Variants in CACNA2D1 observed in about 807,000 individuals in gnomAD.
The protein encoded by CACNA2D1 is calcium voltage-gated channel auxiliary subunit alpha2delta 1.
A neutral mutation model predicts 171.5 loss-of-function variants in CACNA2D1; 53 were observed. The ratio of observed to expected loss-of-function variants is 0.31; its 90% CI spans 0.25 to 0.39. The LOEUF (loss-of-function observed/expected upper bound fraction) is 0.39. Among genes scored for constraint, CACNA2D1 ranks in the 10% least tolerant of loss-of-function variants. The pLI is 1.00. For missense variants in CACNA2D1, 903 were observed against 1,299.8 expected (o/e 0.69, Z 4.69); for synonymous variants, 442 against 443.1 (o/e 1.00, Z 0.03).
intron 3 of CACNA2D1, among the ~76,000 whole-genome samples, chr7:82,286,978 C>G (rs943260376): frequency 2.0e-5 from 3 of 152,054 alleles, no homozygotes; most frequent in African/African-American, 7.2e-5. Context: ...GCATCCTGCA[C>G]CATTTAACAA....
intron 1 of CACNA2D1, among the ~76,000 whole-genome samples, chr7:82,380,931 G>C (rs1002808019): frequency 2.6e-5 from 4 of 152,048 alleles, no homozygotes; most frequent in African/African-American, 9.7e-5. Flanking sequence ...TTGGTCTCAA[G>C]TGATCTGCCT....
At chr7:82,133,390 A>C (rs932275117) in intron 5 of CACNA2D1, among the ~76,000 whole-genome samples, 2 of 152,188 alleles carry the variant, frequency 1.3e-5, no homozygotes, top group Non-Finnish European at 2.9e-5. Context: ...CAAGTAATCA[A>C]AACAGTGAAA....
intron 6 of CACNA2D1, among the ~76,000 whole-genome samples, chr7:82,112,224 C>T (rs1024590565): frequency 2.6e-5 from 4 of 152,088 alleles, no homozygotes; most frequent in Non-Finnish European, 5.9e-5. Flanking sequence ...GATTGCATTT[C>T]CTTTAAATCA....
intron 1 of CACNA2D1, among the ~76,000 whole-genome samples, chr7:82,437,872 C>T (rs1440838368): frequency 6.6e-6 from 1 of 152,026 alleles, no homozygotes; most frequent in Non-Finnish European, 1.5e-5. Context: ...GCACATTTGC[C>T]TTCATTCCTA....
intron 1 of CACNA2D1, among the ~76,000 whole-genome samples, chr7:82,366,903 CTTTTTT>C (rs71093376): frequency 6.9e-5 from 6 of 86,970 alleles, no homozygotes; most frequent in Non-Finnish European, 1.4e-4. Flanking sequence ...TGGTTTTGAC[CTTTTTT>C]TTTTTTTTTT....
intron 10 of CACNA2D1, among the ~76,000 whole-genome samples, chr7:82,042,195 A>C (rs1804045677): frequency 1.3e-5 from 2 of 152,166 alleles, no homozygotes; most frequent in African/African-American, 4.8e-5. Context: ...AGAAATTTGA[A>C]AGTTTACAAT....
chr7:82,261,683 T>C (rs902466566), intron 3 of CACNA2D1, among the ~76,000 whole-genome samples: 2 of 152,152 alleles, frequency 1.3e-5, no homozygotes, highest in Non-Finnish European at 2.9e-5. Flanking sequence ...CTGAAATGGA[T>C]AAAAAATTTT....
chr7:82,342,354 G>A (rs757688932), intron 2 of CACNA2D1, among the ~76,000 whole-genome samples: 7 of 152,128 alleles, frequency 4.6e-5, no homozygotes, highest in Non-Finnish European at 8.8e-5. Context: ...CGTAACCAGC[G>A]CATAGCACAG....
At chr7:82,193,777 C>A (rs1798579351) in intron 3 of CACNA2D1, among the ~76,000 whole-genome samples, 1 of 151,986 alleles carries the variant, frequency 6.6e-6, no homozygotes, top group Non-Finnish European at 1.5e-5. Flanking sequence ...CAGTTACATA[C>A]TTGATATGTT....
Position 81,948,035 on chromosome 7 carries a change from A to G in CACNA2D1, c.*2357T>C, listed in dbSNP as rs1296720825. On this transcript the variant is annotated 3_prime_UTR_variant, in exon 39 of 39. Transcript: ENST00000356860. ...CCGCGATTAATACAATAACAATGTA[A>G]TTGATGAAAACATATACTCGACATT... 1 of 151,874 alleles carries G rather than the reference A, an allele frequency of 6.6e-6. No individual in the cohort carries two copies. The highest frequency in any genetic ancestry group is 2.4e-5 in the African/African-American group (1 of 41,400). The allele number at this position is 151,874 out of a possible 1,614,324, so 9.4% of individuals were successfully genotyped here. A position where few individuals can be genotyped will look rare whatever the true frequency, so the allele number is the denominator to read the frequency against.
intron 1 of CACNA2D1, among the ~76,000 whole-genome samples, chr7:82,357,721 GGT>G (rs1820605023): frequency 7.3e-6 from 1 of 136,294 alleles, no homozygotes; most frequent in South Asian, 2.6e-4. Flanking sequence ...TGGGGTGGGG[GGT>G]GGGGGGAGGG....
At chr7:82,116,619 A>C (rs1451817814) in intron 6 of CACNA2D1, among the ~76,000 whole-genome samples, 1 of 152,166 alleles carries the variant, frequency 6.6e-6, no homozygotes, top group East Asian at 1.9e-4. Context: ...CAGACATGAG[A>C]AGTCATAAGA....
intron 12 of CACNA2D1, chr7:82,024,032 C>G (rs1465580994): frequency 6.6e-6 from 1 of 151,560 alleles, no homozygotes; most frequent in Non-Finnish European, 1.5e-5. Context: ...ATGTATATAC[C>G]ACATTTTCTT....
chr7:82,013,894 C>A (rs1800101864), intron 13 of CACNA2D1, among the ~76,000 whole-genome samples: 1 of 151,728 alleles, frequency 6.6e-6, no homozygotes, highest in Non-Finnish European at 1.5e-5. Context: ...CTTTTTGTTG[C>A]CATGGTATCA....
At chr7:82,139,269 A>G (rs1792072913) in intron 4 of CACNA2D1, among the ~76,000 whole-genome samples, 1 of 152,200 alleles carries the variant, frequency 6.6e-6, no homozygotes, top group African/African-American at 2.4e-5. Context: ...ATAAATAATC[A>G]TCAAGGCTAA....
intron 3 of CACNA2D1, among the ~76,000 whole-genome samples, chr7:82,251,211 A>G (rs1334653502): frequency 1.3e-5 from 2 of 152,132 alleles, no homozygotes; most frequent in Non-Finnish European, 2.9e-5. Flanking sequence ...CCACTTGTAT[A>G]ATTTCCACAT....
At chr7:82,003,244 G>T (rs1053579706) in intron 18 of CACNA2D1, among the ~76,000 whole-genome samples, 1 of 151,784 alleles carries the variant, frequency 6.6e-6, no homozygotes, top group Non-Finnish European at 1.5e-5. Context: ...TCTTTTTCAT[G>T]GTGTTCTGAA....
chr7:82,047,267 T>G (rs1224005234), intron 10 of CACNA2D1, among the ~76,000 whole-genome samples: 2 of 152,178 alleles, frequency 1.3e-5, no homozygotes, highest in Non-Finnish European at 2.9e-5. Flanking sequence ...TGCCAGCTCC[T>G]GAAGACAAAA....
rs1356579318 is a variant in CACNA2D1, at chr7:81,948,188, C to A, written c.*2204G>T. The A allele has an allele frequency of 6.6e-6, 1 of 151,620 alleles. No homozygotes were observed. The highest frequency in any genetic ancestry group is 1.5e-5 in the Non-Finnish European group (1 of 67,750). The allele number at this position is 151,620 out of a possible 1,614,324, so 9.4% of individuals were successfully genotyped here. A position where few individuals can be genotyped will look rare whatever the true frequency, so the allele number is the denominator to read the frequency against. ...AAACTAACAATTTTATATTTTGATACCCCCTTCCCAACACTATCATGATTT... is the reference window on the plus strand; with the variant it reads ...AAACTAACAATTTTATATTTTGATAACCCCTTCCCAACACTATCATGATTT... On this transcript the variant is annotated 3_prime_UTR_variant, in exon 39 of 39. Transcript: ENST00000356860.
Sources: gnomAD v4.1 joint callset for allele counts (sites outside exome capture counted in the v4.1 genomes callset) on GRCh38, gnomAD v4.1.1 for gene constraint, MANE v1.5 for transcripts, NCBI Gene and HGNC (gene_info 2026-07-23, HGNC 2026-07-21) for gene names.